ZKSCAN3: variants seen among roughly 807,000 people sequenced by gnomAD.
ZKSCAN3 encodes zinc finger protein with KRAB and SCAN domains 3.
ZKSCAN3 carries 21 observed loss-of-function variants against 30.7 expected under a neutral mutation model. The ratio of observed to expected loss-of-function variants is 0.68; its 90% CI spans 0.49 to 0.99. The LOEUF is 0.99. Ranked by LOEUF, ZKSCAN3 falls within the 50% of genes least tolerant of loss-of-function variation. ZKSCAN3 has a pLI of 0.00. For missense variants in ZKSCAN3, 507 were observed against 647.1 expected (o/e 0.78, Z 2.35); for synonymous variants, 201 against 246.7 (o/e 0.81, Z 1.73).
intron 1 of ZKSCAN3, among the ~76,000 whole-genome samples, chr6:28,353,077 T>C (rs907045770): frequency 5.9e-5 from 9 of 151,666 alleles, no homozygotes; most frequent in African/African-American, 1.9e-4. Flanking sequence ...CAAGCGATTC[T>C]CCTGCCTCAG....
At position 28,366,475 on chromosome 6, in the gene ZKSCAN3, T is replaced by C. The variant is rs1481769197; in HGVS notation, c.*190T>C. On this transcript the variant is annotated 3_prime_UTR_variant, in exon 6 of 6. Transcript: ENST00000252211. ...AGAAGGGGTTTGTAATCAAAACATATTTGATAGGAGGCTACGGGAGAGTTG... is the reference window on the plus strand; with the variant it reads ...AGAAGGGGTTTGTAATCAAAACATACTTGATAGGAGGCTACGGGAGAGTTG... 9 of 556,346 alleles carry C rather than the reference T, an allele frequency of 1.6e-5. No individual in the cohort carries two copies. Among genetic ancestry groups the C allele is most frequent in the Non-Finnish European group, 2.6e-5 (9 of 352,180 alleles). The allele number at this position is 556,346 out of a possible 1,614,324, so 34.5% of individuals were successfully genotyped here.
chr6:28,354,270 G>T (rs1490843415), intron 1 of ZKSCAN3: 1 of 268,524 alleles, frequency 3.7e-6, no homozygotes, highest in African/African-American at 2.2e-5. Context: ...AGCCAAGTAT[G>T]AGCTTACACA....
intron 1 of ZKSCAN3, chr6:28,355,554 G>A (rs1765369414): frequency 6.6e-6 from 1 of 152,154 alleles, no homozygotes; most frequent in African/African-American, 2.4e-5. Context: ...GTTTAAATGG[G>A]TGCCCCGATC....
rs1262883335 is a variant in ZKSCAN3, at chr6:28,366,177, T to C, written c.1509T>C (p.Thr503=). Residue 503 remains threonine (T), a synonymous_variant, in exon 6 of 6, where the codon ACT becomes ACC. Transcript: ENST00000252211. Reference sequence around the variant, plus strand: ...TCATTGAACATCAAAAAATCCACACTGGTGAGAAACCCTATCAGTGTAATG... The same window carrying C: ...TCATTGAACATCAAAAAATCCACACCGGTGAGAAACCCTATCAGTGTAATG... ...TGLIEHQKIH[T]GEKPYQCNAC... is the part of the protein sequence containing the mutation. 6.2e-7 allele frequency: 1 copy of C among 1,610,554 alleles called. No homozygotes were observed. The highest frequency in any genetic ancestry group is 1.7e-5 in the Admixed American group (1 of 59,024).
At chr6:28,357,988 T>C (rs1765537586) in intron 1 of ZKSCAN3, among the ~76,000 whole-genome samples, 1 of 152,232 alleles carries the variant, frequency 6.6e-6, no homozygotes, top group African/African-American at 2.4e-5. Flanking sequence ...TCTATTTCTT[T>C]TGGTCCAGGG....
At chr6:28,359,437 G>T (rs570244498) in intron 1 of ZKSCAN3, 88 bp from the exon 2 acceptor site, 1 of 982,294 alleles carries the variant, frequency 1.0e-6, no homozygotes, top group Non-Finnish European at 1.5e-6. Context: ...TTCTGCAGCA[G>T]TTCCCCAGAG....
intron 1 of ZKSCAN3, among the ~76,000 whole-genome samples, chr6:28,356,884 C>A (rs1025279797): frequency 1.9e-4 from 29 of 152,338 alleles, no homozygotes; most frequent in African/African-American, 5.5e-4. Context: ...GCTCCGGGAG[C>A]CTGGGGGCTG....
At position 28,361,326 on chromosome 6, in the gene ZKSCAN3, T is replaced by G; in HGVS notation, c.405T>G (p.Val135=). The G allele has an allele frequency of 6.2e-7, 1 of 1,612,260 alleles. No homozygotes were observed. The highest frequency in any genetic ancestry group is 8.5e-7 in the Non-Finnish European group (1 of 1,179,602). Residue 135 remains valine, a splice_region_variant and synonymous_variant, in exon 3 of 6, where the codon GTT becomes GTG. Coordinates refer to ENST00000252211, the MANE Select transcript of ZKSCAN3 (RefSeq NM_024493.4). The stretch of plus-strand genomic sequence containing the variant: ...AAATAAGAACAAATGATTTCTAGGT[T>G]TCAGGTGTTGACCAGGGGCAAGAAC... ...ERQLDEPAPQ[V]SGVDQGQELL...
chr6:28,353,695 A>G (rs1765216040), intron 1 of ZKSCAN3, among the ~76,000 whole-genome samples: 1 of 152,230 alleles, frequency 6.6e-6, no homozygotes, highest in Non-Finnish European at 1.5e-5. Context: ...AGGAGTCTAC[A>G]GCCTAGAAAT....
At chr6:28,357,217 C>A (rs971033392) in intron 1 of ZKSCAN3, among the ~76,000 whole-genome samples, 1 of 152,222 alleles carries the variant, frequency 6.6e-6, no homozygotes, top group East Asian at 1.9e-4. Context: ...CGGCCTATGC[C>A]TGCTTCGCTG....
At chr6:28,360,106 G>A in intron 2 of ZKSCAN3, 118 bp downstream of exon 2, 1 of 1,561,144 alleles carries the variant, frequency 6.4e-7, no homozygotes, top group Non-Finnish European at 8.7e-7. Flanking sequence ...TTTGTACCGT[G>A]AACCTCCTTG....
At chr6:28,363,476 A>G in intron 4 of ZKSCAN3, 91 bp downstream of exon 4, 2 of 1,318,596 alleles carry the variant, frequency 1.5e-6, no homozygotes, top group South Asian at 2.7e-5. Flanking sequence ...CTCCACCCCA[A>G]TCCTAGATCC....
chr6:28,350,404 TTTAAA>T (rs1481022269), intron 1 of ZKSCAN3: 5 of 152,226 alleles, frequency 3.3e-5, no homozygotes, highest in Non-Finnish European at 5.9e-5. Flanking sequence ...TTTCAAGGTC[TTTAAA>T]TTATTCTGTG....
intron 1 of ZKSCAN3, among the ~76,000 whole-genome samples, chr6:28,357,424 C>G (rs6921919): frequency 0.23 from 34,938 of 152,090 alleles, 4,425 homozygotes; most frequent in African/African-American, 0.32. Flanking sequence ...GAACACTTAA[C>G]CAGATTATGA....
At position 28,365,696 on chromosome 6, in the gene ZKSCAN3, A is replaced by C. The variant is rs1765934375; in HGVS notation, c.1028A>C (p.Glu343Ala). 3 of 1,614,016 alleles carry C rather than the reference A, an allele frequency of 1.9e-6. No homozygotes were observed. The highest frequency in any genetic ancestry group is 2.5e-6 in the Non-Finnish European group (3 of 1,179,976). Residue 343 changes from glutamate to alanine, a missense_variant, in exon 6 of 6, where the codon GAA becomes GCA. Transcript: ENST00000252211. Reference protein sequence around the residue: ...RRIHTGEKPYECEECGKAFIG... With the variant: ...RRIHTGEKPYACEECGKAFIG... ...ATCCACACTGGTGAGAAACCCTACGAATGTGAAGAGTGTGGCAAAGCCTTC... is the reference window on the plus strand; with the variant it reads ...ATCCACACTGGTGAGAAACCCTACGCATGTGAAGAGTGTGGCAAAGCCTTC...
chr6:28,359,436 A>G, intron 1 of ZKSCAN3, 89 bp from the exon 2 acceptor site: 1 of 947,634 alleles, frequency 1.1e-6, no homozygotes, highest in Non-Finnish European at 1.5e-6. Context: ...TTTCTGCAGC[A>G]GTTCCCCAGA....
chr6:28,359,905 C>T lies in ZKSCAN3; in HGVS notation c.319C>T (p.Arg107Trp). Reference sequence around the variant, plus strand: ...GCCGGGGAATCTGCAGAGCTGGGTGCGGGAGCAGCATCCAGAGAGCGGGGA... The same window carrying T: ...GCCGGGGAATCTGCAGAGCTGGGTGTGGGAGCAGCATCCAGAGAGCGGGGA... ...ILPGNLQSWVREQHPESGEEV... is the reference protein window; with the variant it reads ...ILPGNLQSWVWEQHPESGEEV... The change falls in exon 2 of 6, where the codon CGG (arginine) becomes TGG (tryptophan). Residue 107 changes from arginine to tryptophan, a missense_variant. Transcript: ENST00000252211. 1 of 1,613,984 alleles carries T rather than the reference C, an allele frequency of 6.2e-7. No homozygotes were observed. Among genetic ancestry groups the T allele is most frequent in the Admixed American group, 1.7e-5 (1 of 60,010 alleles).
Position 28,361,429 on chromosome 6 carries a change from C to T in ZKSCAN3, c.508C>T (p.Leu170Phe), listed in dbSNP as rs1384386941. Residue 170 changes from leucine to phenylalanine, a missense_variant, in exon 3 of 6, where the codon CTC (leucine) becomes TTC (phenylalanine). Transcript: ENST00000252211. ...CCAATTTCAGCTAATGAAGGCTCTG[C>T]TCAAGCATGAATCTGTGGGATCCCA... ...SSQFQLMKAL[L>F]KHESVGSQPL... The T allele has an allele frequency of 6.2e-7, 1 of 1,613,962 alleles. No homozygotes were observed. The highest frequency in any genetic ancestry group is 8.5e-7 in the Non-Finnish European group (1 of 1,179,974).
chr6:28,364,079 C>T (rs1312207419), intron 5 of ZKSCAN3, among the ~76,000 whole-genome samples: 2 of 152,162 alleles, frequency 1.3e-5, no homozygotes, highest in East Asian at 3.9e-4. Flanking sequence ...AAGTGATCCT[C>T]TCACCACAGC....
Sources: gnomAD v4.1 joint callset for allele counts (sites outside exome capture counted in the v4.1 genomes callset) on GRCh38, gnomAD v4.1.1 for gene constraint, MANE v1.5 for transcripts, NCBI Gene and HGNC (gene_info 2026-07-23, HGNC 2026-07-21) for gene names.